The following ATXN1 variants were observed in gnomAD, a reference collection of about 807,000 sequenced individuals.
ATXN1 encodes the protein ataxin-1.
A neutral mutation model predicts 56.4 loss-of-function variants in ATXN1; 8 were observed. The ratio of observed to expected loss-of-function variants is 0.14; its 90% CI spans 0.08 to 0.26. The LOEUF (loss-of-function observed/expected upper bound fraction) is 0.26. ATXN1 is among the 10% of genes least tolerant of loss of function. The pLI is 1.00. For synonymous variants in ATXN1, 514 were observed against 494.6 expected (o/e 1.04, Z -0.52); for missense variants, 987 against 1,106.5 (o/e 0.89, Z 1.53).
intron 3 of ATXN1, among the ~76,000 whole-genome samples, 196 bp from the exon 4 acceptor site, chr6:16,586,103 CAG>C (rs1447024019): frequency 7.2e-5 from 11 of 151,766 alleles, no homozygotes; most frequent in Non-Finnish European, 1.3e-4. Flanking sequence ...ACTCAGCAGG[CAG>C]AGACACAGCA....
chr6:16,564,496 T>C (rs899817921), intron 4 of ATXN1, among the ~76,000 whole-genome samples: 1 of 152,208 alleles, frequency 6.6e-6, no homozygotes, highest in Admixed American at 6.5e-5. Context: ...AAATAAGGTA[T>C]AGCCATACAA....
At chr6:16,491,417 T>G (rs903570552) in intron 5 of ATXN1, among the ~76,000 whole-genome samples, 1 of 151,788 alleles carries the variant, frequency 6.6e-6, no homozygotes, top group African/African-American at 2.4e-5. Context: ...CCTGAGTAGC[T>G]GGGACTGCAG....
intron 6 of ATXN1, among the ~76,000 whole-genome samples, chr6:16,397,727 T>TTCCATGATTACATGTGCAG (rs1758484923): frequency 6.6e-6 from 1 of 152,228 alleles, no homozygotes; most frequent in Non-Finnish European, 1.5e-5. Context: ...ACTAATCTAT[T>TTCCATGATTACATGTGCAG]GCTGATTTAC....
intron 3 of ATXN1, among the ~76,000 whole-genome samples, chr6:16,632,997 CAAA>C (rs11289596): frequency 4.8e-5 from 6 of 125,854 alleles, no homozygotes; most frequent in Admixed American, 2.4e-4. Flanking sequence ...AACTCCGCCT[CAAA>C]AAAAAAAAAA....
At chr6:16,592,174 C>A (rs928003621) in intron 3 of ATXN1, among the ~76,000 whole-genome samples, 2 of 152,126 alleles carry the variant, frequency 1.3e-5, no homozygotes, top group Non-Finnish European at 2.9e-5. Flanking sequence ...GAGAGCTCTG[C>A]CCCCCTCCCA....
chr6:16,337,729 G>A (rs1253713597), intron 6 of ATXN1, among the ~76,000 whole-genome samples: 1 of 152,242 alleles, frequency 6.6e-6, no homozygotes, highest in South Asian at 2.1e-4. Context: ...CACTCTGGTT[G>A]AAGGCTGGGA....
chr6:16,602,344 CA>C (rs565333955), intron 3 of ATXN1, among the ~76,000 whole-genome samples: 4 of 151,192 alleles, frequency 2.6e-5, no homozygotes, highest in Admixed American at 6.6e-5. Flanking sequence ...CTCCGCCCAC[CA>C]AAAAAAATCC....
chr6:16,388,012 A>G (rs549583064), intron 6 of ATXN1, among the ~76,000 whole-genome samples: 2 of 152,352 alleles, frequency 1.3e-5, no homozygotes, highest in South Asian at 4.1e-4. Context: ...GGAGGAGCCA[A>G]GATGTGAATC....
chr6:16,665,171 T>C (rs1164292718), intron 2 of ATXN1, among the ~76,000 whole-genome samples: 2 of 152,184 alleles, frequency 1.3e-5, no homozygotes, highest in Non-Finnish European at 2.9e-5. Flanking sequence ...TTTTATATCA[T>C]ACCAAAACTC....
chr6:16,447,108 G>A (rs1759651593), intron 6 of ATXN1, among the ~76,000 whole-genome samples: 2 of 152,326 alleles, frequency 1.3e-5, no homozygotes, highest in African/African-American at 4.8e-5. Flanking sequence ...AGAAGCCAGA[G>A]GCTTGTTGAA....
At chr6:16,607,088 A>ATGTTGGTCAGGCT (rs11272204) in intron 3 of ATXN1, among the ~76,000 whole-genome samples, 2 of 151,814 alleles carry the variant, frequency 1.3e-5, no homozygotes, top group African/African-American at 2.4e-5. Flanking sequence ...GGGTTTCACC[A>ATGTTGGTCAGGCT]GTTTAAAACT....
chr6:16,642,897 A>G (rs1290475828), intron 3 of ATXN1, among the ~76,000 whole-genome samples: 1 of 152,246 alleles, frequency 6.6e-6, no homozygotes, highest in East Asian at 1.9e-4. Context: ...ACTTATATGC[A>G]CTGGAAAACC....
intron 3 of ATXN1, among the ~76,000 whole-genome samples, chr6:16,651,459 C>T (rs1763891204): frequency 6.6e-6 from 1 of 151,248 alleles, no homozygotes; most frequent in South Asian, 2.1e-4. Flanking sequence ...CAGGAGAATC[C>T]CTTGAACCTG....
chr6:16,508,537 C>A (rs549933932), intron 5 of ATXN1, among the ~76,000 whole-genome samples: 3 of 152,214 alleles, frequency 2.0e-5, no homozygotes, highest in Non-Finnish European at 4.4e-5. Context: ...AACTGTCTAT[C>A]TGAAATATCC....
chr6:16,310,348 A>G (rs1371018992), intron 7 of ATXN1, among the ~76,000 whole-genome samples: 2 of 152,236 alleles, frequency 1.3e-5, no homozygotes, highest in Non-Finnish European at 2.9e-5. Context: ...ACTAAAAGGT[A>G]TTCTTTAGGT....
In ATXN1 at chr6:16,538,514, G is replaced by T. The variant is rs552809287; in HGVS notation, c.-360-15826C>A. On this transcript the variant is annotated intron_variant, in intron 4 of 7. Transcript: ENST00000436367. ...TGTTACATATGTATAGATGTGCCAG[G>T]TTGGCGTGCTGCACCCATTAACTTG... Among the ~76,000 whole-genome samples, 44 of 152,020 alleles carry T rather than the reference G, an allele frequency of 2.9e-4. No individual in the cohort carries two copies. In the South Asian group the frequency reaches 5.0e-3, roughly 17 times the overall value.
intron 5 of ATXN1, among the ~76,000 whole-genome samples, chr6:16,509,801 C>T (rs1259421077): frequency 6.6e-6 from 1 of 152,170 alleles, no homozygotes; most frequent in African/African-American, 2.4e-5. Context: ...AGTTTCCATC[C>T]CAGACTGTCT....
intron 3 of ATXN1, among the ~76,000 whole-genome samples, chr6:16,643,252 CAAA>C (rs111830296): frequency 1.2e-4 from 13 of 106,436 alleles, no homozygotes; most frequent in Admixed American, 9.8e-5. Flanking sequence ...ACTCCCAACT[CAAA>C]AAAAAAAAAA....
intron 2 of ATXN1, among the ~76,000 whole-genome samples, chr6:16,722,941 C>G (rs573995295): frequency 6.6e-6 from 1 of 152,328 alleles, no homozygotes; most frequent in South Asian, 2.1e-4. Flanking sequence ...CTCACACACA[C>G]GCAAATACAG....
Sources: gnomAD v4.1 joint callset for allele counts (sites outside exome capture counted in the v4.1 genomes callset) on GRCh38, gnomAD v4.1.1 for gene constraint, MANE v1.5 for transcripts, NCBI Gene and HGNC (gene_info 2026-07-23, HGNC 2026-07-21) for gene names.